LGR6: variants seen among roughly 807,000 people sequenced by gnomAD.
LGR6 encodes leucine rich repeat containing G protein-coupled receptor 6.
In LGR6, 45 loss-of-function variants were observed where a neutral mutation model predicts 69.4. That is an observed-to-expected ratio of 0.65 (90% CI 0.51 to 0.83). The LOEUF (loss-of-function observed/expected upper bound fraction) is 0.83. Ranked by LOEUF, LGR6 falls within the 40% of genes least tolerant of loss-of-function variation. The pLI, the probability that LGR6 is intolerant of heterozygous loss-of-function variation, is 0.00. For synonymous variants in LGR6, 538 were observed against 555.0 expected (o/e 0.97, Z 0.43); for missense variants, 1,108 against 1,246.7 (o/e 0.89, Z 1.68).
rs554449796 is a variant in LGR6, at chr1:202,260,118, G to A, written c.429-16188G>A. Among the ~76,000 whole-genome samples, 14 of 152,130 alleles carry A rather than the reference G, an allele frequency of 9.2e-5. No individual in the cohort carries two copies. The South Asian group carries it at 2.7e-3, about 29-fold the overall frequency. ...GGCTGGAGTGTAGTGTCTTGATTTC[G>A]GCCTCAGCCTCCTGGGTTCAAGTGA... is the stretch of plus-strand genomic sequence containing the variant. On this transcript the variant is annotated intron_variant, in intron 4 of 17. Coordinates refer to ENST00000367278, the MANE Select transcript of LGR6 (RefSeq NM_001017403.2).
At position 202,204,229 on chromosome 1, in the gene LGR6, C is replaced by CCA. The variant is rs1180978852; in HGVS notation, c.212+10042_212+10043dup. Among the ~76,000 whole-genome samples, 20 of 139,044 alleles carry CCA rather than the reference C, an allele frequency of 1.4e-4. 3 individuals are homozygous for CCA. The highest frequency in any genetic ancestry group is 6.9e-4 in the South Asian group (3 of 4,354). The allele number at this position is 139,044 out of a possible 152,430, so 91.2% of individuals were successfully genotyped here. Reference sequence around the variant, plus strand: ...CTCCTTCAAGCACACACACACACCTCCACACACACACACACCTCCACACAC... The same window carrying CCA: ...CTCCTTCAAGCACACACACACACCTCCACACACACACACACACCTCCACACAC... On this transcript the variant is annotated intron_variant, in intron 1 of 17. Coordinates refer to ENST00000367278, the MANE Select transcript of LGR6 (RefSeq NM_001017403.2).
intron 4 of LGR6, among the ~76,000 whole-genome samples, chr1:202,260,893 CTTATCA>C (rs1664179034): frequency 6.6e-6 from 1 of 152,046 alleles, no homozygotes; most frequent in East Asian, 1.9e-4. Context: ...TGAGGTCAGC[CTTATCA>C]TTTTATTCTT....
At chr1:202,234,232 C>T (rs1661331511) in intron 3 of LGR6, among the ~76,000 whole-genome samples, 1 of 152,232 alleles carries the variant, frequency 6.6e-6, no homozygotes, top group Admixed American at 6.5e-5. Context: ...GCCCCTTCCC[C>T]ACCCCTTGGG....
chr1:202,223,980 T>C (rs890642221), intron 1 of LGR6, among the ~76,000 whole-genome samples: 14 of 151,868 alleles, frequency 9.2e-5, no homozygotes, highest in African/African-American at 3.4e-4. Context: ...TCTGTAAGCA[T>C]TAGCTCACTT....
chr1:202,239,666 C>T (rs1464591636), intron 4 of LGR6, among the ~76,000 whole-genome samples: 2 of 151,976 alleles, frequency 1.3e-5, no homozygotes, highest in African/African-American at 4.8e-5. Flanking sequence ...GAAAGACAGA[C>T]GGGGGCATTG....
At chr1:202,213,971 T>A in intron 1 of LGR6, 1 of 857,306 alleles carries the variant, frequency 1.2e-6, no homozygotes, top group South Asian at 5.3e-5. Flanking sequence ...ATCCAGATCT[T>A]GGATCTAGTC....
At chr1:202,221,695 C>A (rs1660164882) in intron 1 of LGR6, among the ~76,000 whole-genome samples, 1 of 152,160 alleles carries the variant, frequency 6.6e-6, no homozygotes. Context: ...ACATGCCCAG[C>A]ACCCTCAAAA....
chr1:202,195,582 G>A (rs1163201391), intron 1 of LGR6, among the ~76,000 whole-genome samples: 3 of 152,238 alleles, frequency 2.0e-5, no homozygotes, highest in East Asian at 3.9e-4. Context: ...CAACTGCACA[G>A]AGCCTGGGCG....
chr1:202,286,356 A>G (rs1412900567), intron 6 of LGR6, among the ~76,000 whole-genome samples: 1 of 152,212 alleles, frequency 6.6e-6, no homozygotes, highest in East Asian at 1.9e-4. Flanking sequence ...GTCACTGGGC[A>G]AATAATTCCC....
chr1:202,281,600 A>T (rs1558060026), intron 6 of LGR6, among the ~76,000 whole-genome samples: 1 of 152,112 alleles, frequency 6.6e-6, no homozygotes, highest in Admixed American at 6.5e-5. Context: ...CTCAGCATCC[A>T]TGAGGGAGCT....
intron 3 of LGR6, among the ~76,000 whole-genome samples, chr1:202,229,933 C>T (rs1424293178): frequency 6.6e-6 from 1 of 152,188 alleles, no homozygotes; most frequent in Non-Finnish European, 1.5e-5. Context: ...GAATTACTTT[C>T]TGATGTCTGA....
At chr1:202,243,674 A>G (rs1326668530) in intron 4 of LGR6, among the ~76,000 whole-genome samples, 1 of 152,106 alleles carries the variant, frequency 6.6e-6, no homozygotes, top group Non-Finnish European at 1.5e-5. Context: ...TGGTGACAGG[A>G]GAAGGGTCCA....
At position 202,302,735 on chromosome 1, in the gene LGR6, T is replaced by C. The variant is rs538353289; in HGVS notation, c.930-544T>C. Among the ~76,000 whole-genome samples, 8 of 152,114 alleles carry C rather than the reference T, an allele frequency of 5.3e-5. No homozygotes were observed. The South Asian group carries it at 1.7e-3, about 32-fold the overall frequency. On this transcript the variant is annotated intron_variant, in intron 9 of 17. Transcript: ENST00000367278. Reference sequence around the variant, plus strand: ...CTGCTTTTTGTATTTTTAGTAGAGATGGGGTTTCACCATGTTGGCCAGGCT... The same window carrying C: ...CTGCTTTTTGTATTTTTAGTAGAGACGGGGTTTCACCATGTTGGCCAGGCT...
chr1:202,220,648 C>T (rs1484140249), intron 1 of LGR6, among the ~76,000 whole-genome samples: 1 of 152,202 alleles, frequency 6.6e-6, no homozygotes, highest in East Asian at 1.9e-4. Flanking sequence ...GGGGGGATAA[C>T]AACGGCAGGT....
chr1:202,217,084 T>G (rs1229496349), intron 1 of LGR6, among the ~76,000 whole-genome samples: 2 of 152,124 alleles, frequency 1.3e-5, no homozygotes, highest in Non-Finnish European at 2.9e-5. Context: ...TGGGCCTAAG[T>G]CCCTCCCAGG....
At chr1:202,269,187 T>C (rs1272579353) in intron 4 of LGR6, among the ~76,000 whole-genome samples, 1 of 152,152 alleles carries the variant, frequency 6.6e-6, no homozygotes, top group Non-Finnish European at 1.5e-5. Context: ...ATTATAGACA[T>C]GAGCCACTGT....
chr1:202,244,330 A>G (rs973416648), intron 4 of LGR6, among the ~76,000 whole-genome samples: 1 of 152,238 alleles, frequency 6.6e-6, no homozygotes, highest in Admixed American at 6.5e-5. Flanking sequence ...CTGTTACAGA[A>G]GAAAAGGATG....
At chr1:202,285,291 C>T (rs1009529447) in intron 6 of LGR6, among the ~76,000 whole-genome samples, 1 of 152,338 alleles carries the variant, frequency 6.6e-6, no homozygotes, top group Non-Finnish European at 1.5e-5. Flanking sequence ...CCACCCCTTA[C>T]TCCTGGCCCT....
intron 4 of LGR6, among the ~76,000 whole-genome samples, chr1:202,253,639 T>TG (rs1663480253): frequency 2.4e-5 from 3 of 125,692 alleles, no homozygotes. Flanking sequence ...TTTTTTTTTT[T>TG]TTTTTTTGAG....
Sources: allele counts gnomAD v4.1 joint callset (sites outside exome capture counted in the v4.1 genomes callset), GRCh38; gene constraint gnomAD v4.1.1; transcripts MANE v1.5; gene names NCBI Gene and HGNC (gene_info 2026-07-23, HGNC 2026-07-21).